The following MATCAP1 variants were observed in gnomAD, a reference collection of about 807,000 sequenced individuals.
The protein encoded by MATCAP1 is microtubule associated tyrosine carboxypeptidase 1, also known as microtubule-associated tyrosine carboxypeptidase 1.
At chr16:67,177,978 G>A in the MATCAP1 span, 6 of 1,575,392 alleles carry the variant, frequency 3.8e-6, no homozygotes, top group Non-Finnish European at 5.2e-6. Context: ...CAGGGAGCTG[G>A]CTGGGACCTC....
the MATCAP1 span, chr16:67,183,847 G>A: frequency 1.2e-5 from 2 of 173,684 alleles, no homozygotes; most frequent in Non-Finnish European, 2.4e-5. Flanking sequence ...CTTTGGGGGG[G>A]TCCGTCCGCG....
chr16:67,181,200 G>C, the MATCAP1 span, among the ~76,000 whole-genome samples: 1 of 152,348 alleles, frequency 6.6e-6, no homozygotes, highest in South Asian at 2.1e-4. Context: ...TTAGGTAGGT[G>C]AGAAGACCTC....
the MATCAP1 span, chr16:67,178,908 C>T: frequency 2.1e-5 from 9 of 429,982 alleles, no homozygotes; most frequent in Admixed American, 2.8e-4. Flanking sequence ...CGGTAAAAAT[C>T]ACTCTTGCCC....
At chr16:67,183,100 C>T in the MATCAP1 span, among the ~76,000 whole-genome samples, 1 of 151,982 alleles carries the variant, frequency 6.6e-6, no homozygotes, top group Non-Finnish European at 1.5e-5. Context: ...TTCCCCCTCT[C>T]CACTCCTCTC....
the MATCAP1 span, chr16:67,180,636 G>A: frequency 1.8e-5 from 26 of 1,481,362 alleles, no homozygotes; most frequent in Admixed American, 7.1e-5. Context: ...ACATCCAGCC[G>A]GGTCACTCCA....
chr16:67,178,089 T>A, the MATCAP1 span: 1 of 1,613,772 alleles, frequency 6.2e-7, no homozygotes, highest in Non-Finnish European at 8.5e-7. Flanking sequence ...CAGGTACACC[T>A]GGTCCTTGCT....
chr16:67,180,446 T>TG, the MATCAP1 span: 1 of 1,609,710 alleles, frequency 6.2e-7, no homozygotes, highest in Non-Finnish European at 8.5e-7. Flanking sequence ...GCTGCAGCGC[T>TG]GGGGGGACTG....
At chr16:67,179,782 C>T in the MATCAP1 span, 1 of 1,611,824 alleles carries the variant, frequency 6.2e-7, no homozygotes, top group Non-Finnish European at 8.5e-7. This position sits in a 1 kb window ranked among gnomAD's most constrained non-coding sequence, Gnocchi z 5.2. Context: ...TGATTTGGGG[C>T]ATGTAGAGGA....
At chr16:67,178,048 G>A in the MATCAP1 span, 2 of 1,614,218 alleles carry the variant, frequency 1.2e-6, no homozygotes, top group Non-Finnish European at 1.7e-6. Context: ...TCGATGGTCT[G>A]GCGATGTCGC....
chr16:67,178,822 G>A, the MATCAP1 span: 2 of 641,338 alleles, frequency 3.1e-6, no homozygotes, highest in Admixed American at 2.1e-5. Context: ...AGCCCTCCTG[G>A]GCACAAGAAT....
the MATCAP1 span, chr16:67,180,712 A>T: frequency 1.7e-5 from 13 of 764,430 alleles, no homozygotes; most frequent in African/African-American, 8.7e-5. Context: ...AGTGGGTGTG[A>T]CCAAACGACC....
the MATCAP1 span, chr16:67,178,308 C>T: frequency 1.3e-6 from 2 of 1,582,810 alleles, no homozygotes; most frequent in African/African-American, 2.7e-5. Context: ...GACGGAAGGA[C>T]ATGCGCGCGG....
the MATCAP1 span, chr16:67,176,751 G>A: frequency 6.9e-7 from 1 of 1,450,378 alleles, no homozygotes; most frequent in Non-Finnish European, 9.2e-7. The surrounding 1 kb of genome is among the most constrained non-coding windows in gnomAD (Gnocchi z 4.3). Context: ...ACTGCTTCAT[G>A]TTCTAGGGGC....
At chr16:67,178,187 G>A in the MATCAP1 span, 2 of 1,270,018 alleles carry the variant, frequency 1.6e-6, no homozygotes. Flanking sequence ...CCTCCCCCGC[G>A]CTGGCGCACA....
chr16:67,180,547 G>A, the MATCAP1 span: 1 of 1,537,692 alleles, frequency 6.5e-7, no homozygotes, highest in Admixed American at 2.1e-5. Context: ...CGCAGGGATG[G>A]GGGACTGGTA....
the MATCAP1 span, chr16:67,179,059 G>A: frequency 1.3e-5 from 15 of 1,139,306 alleles, no homozygotes; most frequent in Non-Finnish European, 1.6e-5. This position sits in a 1 kb window ranked among gnomAD's most constrained non-coding sequence, Gnocchi z 5.2. Flanking sequence ...CCAGGACCTG[G>A]CCTTCCATCC....
the MATCAP1 span, chr16:67,176,755 TA>T: frequency 6.8e-7 from 1 of 1,463,052 alleles, no homozygotes; most frequent in Non-Finnish European, 9.1e-7. The surrounding 1 kb of genome is among the most constrained non-coding windows in gnomAD (Gnocchi z 4.3). Context: ...CTTCATGTTC[TA>T]GGGGCCTATC....
At chr16:67,180,417 G>A in the MATCAP1 span, 38 of 1,612,360 alleles carry the variant, frequency 2.4e-5, 1 homozygote, top group South Asian at 3.2e-4. Context: ...CTGTGAGAAC[G>A]GCTGCTGCTC....
At chr16:67,176,965 T>A in the MATCAP1 span, 3 of 1,555,732 alleles carry the variant, frequency 1.9e-6, no homozygotes, top group East Asian at 4.8e-5. The surrounding 1 kb of genome is among the most constrained non-coding windows in gnomAD (Gnocchi z 4.3). Context: ...GTCCACATCC[T>A]CATAGGACAC....
Sources: allele counts gnomAD v4.1 joint callset (sites outside exome capture counted in the v4.1 genomes callset), GRCh38; gene constraint gnomAD v4.1.1; non-coding constraint Gnocchi (gnomAD v3.1); transcripts MANE v1.5; gene names NCBI Gene and HGNC (gene_info 2026-07-23, HGNC 2026-07-21).